RYR2: variants seen among roughly 807,000 people sequenced by gnomAD.
RYR2 encodes the protein ryanodine receptor 2, also known as cardiac muscle ryanodine receptor-calcium release channel.
In RYR2, 227 loss-of-function variants were observed where a neutral mutation model predicts 601.1. The ratio of observed to expected loss-of-function variants is 0.38; its 90% CI spans 0.34 to 0.42. RYR2 has a LOEUF of 0.42. Ranked by LOEUF, RYR2 falls within the 10% of genes least tolerant of loss-of-function variation. The pLI is 1.00. For missense variants in RYR2, 4,646 were observed against 6,156.5 expected, an observed-to-expected ratio of 0.75 and a Z score of 8.21; for synonymous variants, 2,223 against 2,175.1, an observed-to-expected ratio of 1.02 and a Z score of -0.61.
At chr1:237,350,023 T>G (rs546800951) in intron 3 of RYR2, among the ~76,000 whole-genome samples, 1 of 152,220 alleles carries the variant, frequency 6.6e-6, no homozygotes, top group South Asian at 2.1e-4. Context: ...ATGAGACCAA[T>G]ATAATACAAA....
At chr1:237,753,925 T>G (rs924000456) in intron 80 of RYR2, among the ~76,000 whole-genome samples, 6 of 151,760 alleles carry the variant, frequency 4.0e-5, no homozygotes, top group East Asian at 1.9e-4. Flanking sequence ...TTCAGAGTTT[T>G]TTTTTTTTTT....
intron 20 of RYR2, among the ~76,000 whole-genome samples, chr1:237,497,585 A>G (rs1251174703): frequency 1.3e-5 from 2 of 152,222 alleles, no homozygotes; most frequent in Non-Finnish European, 2.9e-5. Flanking sequence ...TATTTAGCAT[A>G]TGGAAGATGC....
intron 1 of RYR2, among the ~76,000 whole-genome samples, chr1:237,050,910 A>G (rs910568771): frequency 2.0e-5 from 3 of 152,234 alleles, no homozygotes; most frequent in Non-Finnish European, 4.4e-5. Flanking sequence ...AGCTTTTGCT[A>G]GAGTTTATAT....
chr1:237,435,211 A>G (rs926692427), intron 12 of RYR2, among the ~76,000 whole-genome samples: 3 of 152,230 alleles, frequency 2.0e-5, no homozygotes, highest in Non-Finnish European at 2.9e-5. Context: ...ATAACTTACT[A>G]TGTGTCAAAC....
At chr1:237,722,758 A>G (rs1181604367) in intron 73 of RYR2, among the ~76,000 whole-genome samples, 3 of 152,136 alleles carry the variant, frequency 2.0e-5, no homozygotes, top group Non-Finnish European at 4.4e-5. Flanking sequence ...TAATAATTGT[A>G]TATAGTTAAG....
At chr1:237,760,727 G>A (rs1382615690) in intron 83 of RYR2, among the ~76,000 whole-genome samples, 2 of 152,058 alleles carry the variant, frequency 1.3e-5, no homozygotes, top group African/African-American at 4.8e-5. Context: ...ACCTAAGAAT[G>A]CTTTCATGTT....
At chr1:237,644,450 T>C (rs1379132277) in intron 48 of RYR2, among the ~76,000 whole-genome samples, 1 of 151,938 alleles carries the variant, frequency 6.6e-6, no homozygotes, top group Admixed American at 6.6e-5. Flanking sequence ...GCCAGGATGG[T>C]CTCGACCTCC....
At chr1:237,179,760 T>C (rs1572113222) in intron 1 of RYR2, among the ~76,000 whole-genome samples, 1 of 152,058 alleles carries the variant, frequency 6.6e-6, no homozygotes, top group Non-Finnish European at 1.5e-5. Flanking sequence ...GAGCTGAGGG[T>C]AGCCTTTTAG....
chr1:237,081,282 A>T (rs1198314405), intron 1 of RYR2, among the ~76,000 whole-genome samples: 1,666 of 136,026 alleles, frequency 0.012, 31 homozygotes, highest in African/African-American at 0.046. Context: ...GAGTATAATA[A>T]AAAAAAAAAA....
At chr1:237,486,743 C>T (rs1662730140) in intron 17 of RYR2, among the ~76,000 whole-genome samples, 1 of 152,094 alleles carries the variant, frequency 6.6e-6, no homozygotes, top group Admixed American at 6.5e-5. Flanking sequence ...TATGCATGCT[C>T]ATTTCACAGA....
intron 41 of RYR2, among the ~76,000 whole-genome samples, chr1:237,629,844 A>T (rs911988546): frequency 6.6e-6 from 1 of 152,190 alleles, no homozygotes; most frequent in Non-Finnish European, 1.5e-5. Context: ...TTAAAATTAT[A>T]AAAATGGATG....
chr1:237,386,961 G>A (rs1374321839), intron 8 of RYR2, among the ~76,000 whole-genome samples: 2 of 152,148 alleles, frequency 1.3e-5, no homozygotes, highest in Admixed American at 6.5e-5. Flanking sequence ...ATAATTTTAA[G>A]TGCTCATTTT....
chr1:237,485,824 A>C (rs1271394627), intron 17 of RYR2, among the ~76,000 whole-genome samples: 1 of 152,158 alleles, frequency 6.6e-6, no homozygotes, highest in African/African-American at 2.4e-5. Flanking sequence ...TGGTTTAGGG[A>C]CTGATATTCT....
At chr1:237,654,504 A>ATC (rs1432587420) in intron 52 of RYR2, 90 bp downstream of exon 52, 2 of 1,322,358 alleles carry the variant, frequency 1.5e-6, no homozygotes, top group Non-Finnish European at 2.1e-6. Context: ...GTTGAATACT[A>ATC]TCTTTGCTAA....
At chr1:237,419,279 C>G (rs1218603770) in intron 11 of RYR2, among the ~76,000 whole-genome samples, 2 of 151,638 alleles carry the variant, frequency 1.3e-5, no homozygotes, top group African/African-American at 4.8e-5. Flanking sequence ...GAGAGAGACC[C>G]TACATCTGTC....
intron 7 of RYR2, 34 bp from the exon 8 acceptor site, chr1:237,377,289 C>A: frequency 6.6e-7 from 1 of 1,507,338 alleles, no homozygotes; most frequent in Non-Finnish European, 9.0e-7. Context: ...TTAAGAGGAA[C>A]TTTTTCATGT....
intron 43 of RYR2, among the ~76,000 whole-genome samples, chr1:237,634,272 G>A (rs1046913113): frequency 6.6e-6 from 1 of 152,122 alleles, no homozygotes; most frequent in Admixed American, 6.6e-5. Flanking sequence ...ATGGAATGCT[G>A]TTTGGCCTTA....
intron 1 of RYR2, among the ~76,000 whole-genome samples, chr1:237,099,428 A>T (rs562817838): frequency 6.6e-6 from 1 of 152,090 alleles, no homozygotes; most frequent in South Asian, 2.1e-4. Context: ...CGTAGAGATG[A>T]GGTCTTGCTA....
intron 1 of RYR2, among the ~76,000 whole-genome samples, chr1:237,135,568 G>A (rs1435718925): frequency 6.6e-6 from 1 of 150,468 alleles, no homozygotes; most frequent in Non-Finnish European, 1.5e-5. Flanking sequence ...AGTAGAGATG[G>A]GTTTTCACCT....
Sources: allele counts gnomAD v4.1 joint callset (sites outside exome capture counted in the v4.1 genomes callset), GRCh38; gene constraint gnomAD v4.1.1; transcripts MANE v1.5; gene names NCBI Gene and HGNC (gene_info 2026-07-23, HGNC 2026-07-21).